ANKS1B: variants seen among roughly 807,000 people sequenced by gnomAD.
The protein encoded by ANKS1B is ankyrin repeat and sterile alpha motif domain-containing protein 1B.
Under a neutral mutation model 148.3 loss-of-function variants are expected in ANKS1B, and 36 were observed. The ratio of observed to expected loss-of-function variants is 0.24; its 90% confidence interval spans 0.19 to 0.32. ANKS1B has a LOEUF of 0.32. Among genes scored for constraint, ANKS1B ranks in the 10% least tolerant of loss-of-function variants. ANKS1B has a pLI of 1.00. For synonymous variants in ANKS1B, 542 were observed against 560.8 expected, an observed-to-expected ratio of 0.97 and a Z score of 0.47; for missense variants, 1,157 against 1,542.6, an observed-to-expected ratio of 0.75 and a Z score of 4.19.
chr12:98,982,606 A>G lies in ANKS1B; in HGVS notation c.2778+70551T>C, dbSNP rs890577605. On this transcript the variant is annotated intron_variant, in intron 17 of 26. Coordinates refer to ENST00000683438, the MANE Select transcript of ANKS1B (RefSeq NM_001352186.2). ...GCTTGTCACTTCAATATATATTGTT[A>G]GGGTTTGCATATTTTTGAATGCATG... 4.6e-5 allele frequency among the ~76,000 whole-genome samples: 7 copies of G among 152,172 alleles called. 1 individual carries two copies. The highest frequency in any genetic ancestry group is 3.2e-3 in the Middle Eastern group (1 of 316).
At chr12:99,097,418 A>G (rs2056558473) in intron 15 of ANKS1B, 1 of 152,182 alleles carries the variant, frequency 6.6e-6, no homozygotes, top group Non-Finnish European at 1.5e-5. Flanking sequence ...AGGATCCCAT[A>G]TGGCTCGAAA....
intron 17 of ANKS1B, among the ~76,000 whole-genome samples, chr12:98,944,378 T>C (rs2099841978): frequency 6.6e-6 from 1 of 150,554 alleles, no homozygotes; most frequent in East Asian, 2.0e-4. Context: ...TCTGCCATGA[T>C]TGAAAGCTTC....
intron 8 of ANKS1B, among the ~76,000 whole-genome samples, chr12:99,674,676 C>T (rs551001178): frequency 9.2e-4 from 140 of 151,546 alleles, no homozygotes; most frequent in African/African-American, 2.8e-3. Flanking sequence ...ACAAAACATG[C>T]GAATTGAAGT....
intron 8 of ANKS1B, among the ~76,000 whole-genome samples, chr12:99,712,273 G>A (rs58919741): frequency 0.029 from 4,442 of 152,166 alleles, 226 homozygotes; most frequent in African/African-American, 0.1. Context: ...TTTCATGTGG[G>A]GTTTATGATA....
At chr12:99,445,782 C>T in intron 10 of ANKS1B, among the ~76,000 whole-genome samples, 1 of 151,920 alleles carries the variant, frequency 6.6e-6, no homozygotes, top group Admixed American at 6.6e-5. Flanking sequence ...AGTGCAGTAG[C>T]ATGAACACAG....
chr12:99,657,898 A>AG (rs2153449135), intron 8 of ANKS1B, among the ~76,000 whole-genome samples: 1 of 35,238 alleles, frequency 2.8e-5, no homozygotes, highest in South Asian at 1.5e-3. Flanking sequence ...CTCCTCCCTC[A>AG]AAAAAAAAAA....
intron 1 of ANKS1B, among the ~76,000 whole-genome samples, chr12:99,913,902 T>G (rs2094089052): frequency 6.6e-6 from 1 of 152,178 alleles, no homozygotes; most frequent in African/African-American, 2.4e-5. Context: ...TTTATTAGTT[T>G]CTCTGCTCTT....
At chr12:99,905,172 A>G (rs1183346604) in intron 1 of ANKS1B, among the ~76,000 whole-genome samples, 1 of 152,180 alleles carries the variant, frequency 6.6e-6, no homozygotes, top group East Asian at 1.9e-4. Flanking sequence ...AAAGGGAGTT[A>G]ATTGTTGGAT....
chr12:99,213,205 G>T (rs566260448), intron 14 of ANKS1B, among the ~76,000 whole-genome samples: 1 of 152,286 alleles, frequency 6.6e-6, no homozygotes, highest in African/African-American at 2.4e-5. Flanking sequence ...TGGCTATAGC[G>T]TCATTTCAGC....
chr12:99,192,839 GTTT>G (rs1184239021), intron 14 of ANKS1B, among the ~76,000 whole-genome samples: 1 of 151,824 alleles, frequency 6.6e-6, no homozygotes, highest in African/African-American at 2.4e-5. Flanking sequence ...GATTATCTCT[GTTT>G]TTAATATTCA....
At chr12:99,949,747 G>A (rs1172539862) in intron 1 of ANKS1B, among the ~76,000 whole-genome samples, 2 of 152,194 alleles carry the variant, frequency 1.3e-5, no homozygotes, top group East Asian at 3.9e-4. Context: ...TGGCCCACAG[G>A]GCAAATTCAA....
At chr12:99,968,555 CTCAATCAATCAATCAA>C (rs57273287) in intron 1 of ANKS1B, among the ~76,000 whole-genome samples, 8 of 151,346 alleles carry the variant, frequency 5.3e-5, no homozygotes, top group Non-Finnish European at 8.8e-5. Flanking sequence ...GAGCCTCTGT[CTCAATCAATCAATCAA>C]TCAATCAATC....
chr12:98,776,533 T>C (rs1348384004), intron 24 of ANKS1B, among the ~76,000 whole-genome samples: 1 of 152,180 alleles, frequency 6.6e-6, no homozygotes, highest in Non-Finnish European at 1.5e-5. Context: ...TTTGCCATCA[T>C]GGTGAGAAAC....
At chr12:99,507,913 C>T (rs2096728256) in intron 9 of ANKS1B, among the ~76,000 whole-genome samples, 1 of 151,814 alleles carries the variant, frequency 6.6e-6, no homozygotes, top group Non-Finnish European at 1.5e-5. Flanking sequence ...CCAACCCACC[C>T]CATGTTCATC....
intron 17 of ANKS1B, among the ~76,000 whole-genome samples, chr12:98,854,203 T>C (rs1447049416): frequency 6.6e-6 from 1 of 152,210 alleles, no homozygotes; most frequent in Non-Finnish European, 1.5e-5. Flanking sequence ...AGTTGCTTAA[T>C]GTAGACCAGG....
chr12:98,969,303 T>C (rs1208572712), intron 17 of ANKS1B, among the ~76,000 whole-genome samples: 12 of 152,254 alleles, frequency 7.9e-5, no homozygotes, highest in Non-Finnish European at 1.5e-4. Flanking sequence ...CCAGGTGCCA[T>C]AGCCAAACAG....
chr12:99,705,426 A>G (rs544854401), intron 8 of ANKS1B, among the ~76,000 whole-genome samples: 1 of 152,256 alleles, frequency 6.6e-6, no homozygotes, highest in South Asian at 2.1e-4. Context: ...TGTTCCGGTC[A>G]AAAGGAAAGA....
chr12:99,782,170 C>G, intron 4 of ANKS1B, 73 bp from the exon 5 acceptor site: 12 of 1,157,936 alleles, frequency 1.0e-5, no homozygotes, highest in African/African-American at 1.5e-5. Flanking sequence ...ATAAAATGCT[C>G]ACATTTTACA....
intron 8 of ANKS1B, among the ~76,000 whole-genome samples, chr12:99,751,968 T>C (rs2061148939): frequency 6.6e-6 from 1 of 151,986 alleles, no homozygotes; most frequent in South Asian, 2.1e-4. Context: ...GGTATAGTTA[T>C]ACATGCTGAA....
Sources: allele counts gnomAD v4.1 joint callset (sites outside exome capture counted in the v4.1 genomes callset), GRCh38; gene constraint gnomAD v4.1.1; transcripts MANE v1.5; gene names NCBI Gene and HGNC (gene_info 2026-07-23, HGNC 2026-07-21).